Variants in EYS observed in about 807,000 individuals in gnomAD.
EYS encodes the protein protein eyes shut homolog.
EYS carries 250 observed loss-of-function variants against 282.1 expected under a neutral mutation model. The observed-to-expected ratio is 0.89, with a 90% CI of 0.80 to 0.98. EYS has a LOEUF of 0.98. Ranked by LOEUF, EYS falls within the 50% of genes least tolerant of loss-of-function variation. The pLI is 0.00. For synonymous variants in EYS, 1,355 were observed against 1,282.9 expected (o/e 1.06, Z -1.20); for missense variants, 4,016 against 3,709.0 (o/e 1.08, Z -2.15).
chr6:64,346,567 G>T (rs981053839), intron 29 of EYS, among the ~76,000 whole-genome samples: 1 of 151,676 alleles, frequency 6.6e-6, no homozygotes, highest in Admixed American at 6.6e-5. Flanking sequence ...TGGGGGGAGT[G>T]GGGAGGGATA....
At chr6:64,057,255 G>A (rs1263656122) in intron 33 of EYS, among the ~76,000 whole-genome samples, 1 of 151,978 alleles carries the variant, frequency 6.6e-6, no homozygotes, top group Non-Finnish European at 1.5e-5. Context: ...GAGTTCAGAT[G>A]TTAAATTGTA....
Position 65,411,680 on chromosome 6 carries a change from C to T in EYS, c.863-6313G>A, listed in dbSNP as rs114544998. 4.6e-3 allele frequency among the ~76,000 whole-genome samples: 706 copies of T among 152,168 alleles called. 6 individuals carry two copies. Among genetic ancestry groups the T allele is most frequent in the African/African-American group, 0.016 (672 of 41,540 alleles). ...ACTGACAACCATCGATTTTCTCCAT[C>T]TCTATAGTTGAACTATTTTGATAAT... is the stretch of plus-strand genomic sequence containing the variant. On this transcript the variant is annotated intron_variant, in intron 5 of 42. Coordinates refer to ENST00000503581, the MANE Select transcript of EYS (RefSeq NM_001142800.2).
chr6:65,703,159 A>G (rs1217435587), intron 1 of EYS, among the ~76,000 whole-genome samples: 1 of 151,956 alleles, frequency 6.6e-6, no homozygotes, highest in African/African-American at 2.4e-5. Flanking sequence ...CCATGAACCA[A>G]TTCCTTAAAG....
chr6:65,169,095 T>A (rs71572510), intron 12 of EYS, among the ~76,000 whole-genome samples: 33 of 151,640 alleles, frequency 2.2e-4, no homozygotes, highest in African/African-American at 7.7e-4. Flanking sequence ...ACTTGTATTG[T>A]TATGTGACTG....
intron 29 of EYS, among the ~76,000 whole-genome samples, chr6:64,386,275 C>A (rs1347797478): frequency 6.6e-6 from 1 of 152,176 alleles, no homozygotes; most frequent in Non-Finnish European, 1.5e-5. Context: ...CTAATAAAGA[C>A]ATACTTGAGA....
intron 2 of EYS, among the ~76,000 whole-genome samples, chr6:65,598,686 T>C (rs772565068): frequency 5.9e-5 from 9 of 152,130 alleles, no homozygotes; most frequent in Admixed American, 1.3e-4. Context: ...CATACTTGAG[T>C]AGACTACAGG....
intron 31 of EYS, among the ~76,000 whole-genome samples, chr6:64,120,414 A>C (rs1434783537): frequency 6.6e-6 from 1 of 151,634 alleles, no homozygotes; most frequent in Non-Finnish European, 1.5e-5. Flanking sequence ...ATGACAAAGC[A>C]AATGACAACC....
At chr6:65,318,944 G>C (rs1395673759) in intron 11 of EYS, among the ~76,000 whole-genome samples, 2 of 151,394 alleles carry the variant, frequency 1.3e-5, no homozygotes, top group Non-Finnish European at 2.9e-5. Flanking sequence ...GCCCAGGCTG[G>C]TCATAGTTTT....
Position 65,664,276 on chromosome 6 carries a change from G to A in EYS, c.-447-24384C>T, listed in dbSNP as rs184981501. Among the ~76,000 whole-genome samples the A allele has an allele frequency of 9.9e-4, 150 of 152,208 alleles. 1 individual carries two copies. The highest frequency in any genetic ancestry group is 2.9e-3 in the African/African-American group (122 of 41,538). ...AAACGTTCAGTCTCAAATGGTATGG[G>A]CAAAAGCACACCATGCACACAGAAG... On this transcript the variant is annotated intron_variant, in intron 1 of 42. Transcript: ENST00000503581.
At chr6:63,989,539 T>C (rs950691181) in intron 34 of EYS, among the ~76,000 whole-genome samples, 3 of 151,662 alleles carry the variant, frequency 2.0e-5, no homozygotes, top group Non-Finnish European at 3.0e-5. Flanking sequence ...GCATATGATA[T>C]CTTCTATGTT....
chr6:64,017,706 A>G (rs753798265), intron 33 of EYS, among the ~76,000 whole-genome samples: 9 of 152,174 alleles, frequency 5.9e-5, no homozygotes, highest in Non-Finnish European at 1.2e-4. Context: ...TGACAATTCT[A>G]TCTGCTCTCC....
Position 63,721,431 on chromosome 6 carries a change from C to A in EYS, c.8600G>T (p.Gly2867Val), listed in dbSNP as rs1446670099. ...ATCACAGTCACCTACATTTGAGCCA[C>A]CTTTTGCTCCAAATTCAGTTAATTG... ...ELQLTEFGAKGGSNVGDCDGT... is the reference protein window; with the variant it reads ...ELQLTEFGAKVGSNVGDCDGT... Residue 2867 changes from glycine to valine, a missense_variant, in exon 43 of 43, where the codon GGT (glycine) becomes GTT (valine). Coordinates refer to ENST00000503581, the MANE Select transcript of EYS (RefSeq NM_001142800.2). 2 of 1,551,686 alleles carry A rather than the reference C, an allele frequency of 1.3e-6. No individual in the cohort carries two copies. The highest frequency in any genetic ancestry group is 2.7e-5 in the African/African-American group (2 of 73,168).
At chr6:63,763,693 A>C (rs1480805936) in intron 40 of EYS, among the ~76,000 whole-genome samples, 1 of 151,724 alleles carries the variant, frequency 6.6e-6, no homozygotes, top group Admixed American at 6.6e-5. Flanking sequence ...CCATGATGTA[A>C]GTTTTCTGAG....
intron 14 of EYS, among the ~76,000 whole-genome samples, chr6:64,980,123 T>C (rs1680934487): frequency 6.6e-6 from 1 of 151,564 alleles, no homozygotes; most frequent in African/African-American, 2.4e-5. Context: ...TACTCTGAAC[T>C]GGGCAATAAT....
intron 2 of EYS, among the ~76,000 whole-genome samples, chr6:65,616,554 G>A (rs959992478): frequency 3.9e-5 from 6 of 152,108 alleles, no homozygotes; most frequent in Admixed American, 3.3e-4. Flanking sequence ...TTGGGAGGCC[G>A]AGGTGGGTGG....
chr6:64,290,102 A>C (rs1173619832), intron 30 of EYS, among the ~76,000 whole-genome samples: 1 of 152,150 alleles, frequency 6.6e-6, no homozygotes, highest in Non-Finnish European at 1.5e-5. Flanking sequence ...AGCTCAGCAT[A>C]GATGACTTTG....
chr6:64,100,160 A>G (rs1772777197), intron 31 of EYS, among the ~76,000 whole-genome samples: 1 of 152,162 alleles, frequency 6.6e-6, no homozygotes, highest in African/African-American at 2.4e-5. Context: ...AAATAATTGT[A>G]TATATGCTAG....
At chr6:64,867,726 A>T (rs965379602) in intron 19 of EYS, among the ~76,000 whole-genome samples, 3 of 151,728 alleles carry the variant, frequency 2.0e-5, no homozygotes, top group Non-Finnish European at 4.4e-5. Flanking sequence ...TGTAATATTG[A>T]TAAAAACTTC....
intron 29 of EYS, among the ~76,000 whole-genome samples, chr6:64,352,522 G>A (rs1472714955): frequency 6.6e-6 from 1 of 151,412 alleles, no homozygotes; most frequent in Non-Finnish European, 1.5e-5. Context: ...TGAAACCCTT[G>A]TCCAAGTCAC....
Sources: gnomAD v4.1 joint callset for allele counts (sites outside exome capture counted in the v4.1 genomes callset) on GRCh38, gnomAD v4.1.1 for gene constraint, MANE v1.5 for transcripts, NCBI Gene and HGNC (gene_info 2026-07-23, HGNC 2026-07-21) for gene names.